Variants in ORC3 observed in about 807,000 individuals in gnomAD.
ORC3 encodes the protein origin recognition complex subunit 3.
ORC3 carries 78 observed loss-of-function variants against 100.7 expected under a neutral mutation model. That is an observed-to-expected ratio of 0.77 (90% CI 0.65 to 0.94). The LOEUF (loss-of-function observed/expected upper bound fraction) is 0.94. Among genes scored for constraint, ORC3 ranks in the 40% least tolerant of loss-of-function variants. ORC3 has a pLI of 0.00. For missense variants in ORC3, 789 were observed against 823.9 expected (o/e 0.96, Z 0.52); for synonymous variants, 295 against 289.3 (o/e 1.02, Z -0.20).
In ORC3 at chr6:87,612,245, T is replaced by A; in HGVS notation, c.870T>A (p.Asp290Glu). ...AGGAGCACCTGACTACGGTACTCGATAAGGTAAAAAGAATAAGTTTTACCA... is the reference window on the plus strand; with the variant it reads ...AGGAGCACCTGACTACGGTACTCGAAAAGGTAAAAAGAATAAGTTTTACCA... ...SCKEHLTTVLDKLLLTTQFPF... is the reference protein window; with the variant it reads ...SCKEHLTTVLEKLLLTTQFPF... Residue 290 changes from aspartate (D) to glutamate (E), a missense_variant, in exon 8 of 20, where the codon GAT becomes GAA. By Grantham distance (45) the Asp-to-Glu change is conservative. Coordinates refer to ENST00000392844, the MANE Select transcript of ORC3 (RefSeq NM_012381.4). 1 of 1,598,382 alleles carries A rather than the reference T, an allele frequency of 6.3e-7. No individual in the cohort carries two copies. The highest frequency in any genetic ancestry group is 8.5e-7 in the Non-Finnish European group (1 of 1,174,598).
chr6:87,634,548 CT>C (rs1767667439), intron 11 of ORC3, among the ~76,000 whole-genome samples: 1 of 152,210 alleles, frequency 6.6e-6, no homozygotes. Context: ...CACTAAGGTG[CT>C]TTCTTGCATA....
intron 13 of ORC3, among the ~76,000 whole-genome samples, chr6:87,644,963 G>A (rs1231492948): frequency 6.6e-6 from 1 of 152,054 alleles, no homozygotes; most frequent in East Asian, 1.9e-4. Flanking sequence ...AAAAAGCATG[G>A]CATCCCACAA....
chr6:87,674,763 C>T, the ORC3 span, among the ~76,000 whole-genome samples: 5 of 150,712 alleles, frequency 3.3e-5, no homozygotes, highest in East Asian at 3.9e-4. Flanking sequence ...CATGAGCCAC[C>T]GCGCCCAGCA....
chr6:87,599,920 C>G (rs372210209), intron 2 of ORC3, among the ~76,000 whole-genome samples: 1 of 152,158 alleles, frequency 6.6e-6, no homozygotes, highest in Non-Finnish European at 1.5e-5. Flanking sequence ...TTGCAGTAAG[C>G]TGAGATCTCA....
the ORC3 span, among the ~76,000 whole-genome samples, chr6:87,677,048 G>A: frequency 6.7e-6 from 1 of 150,182 alleles, no homozygotes; most frequent in African/African-American, 2.5e-5. Flanking sequence ...CTGCACTCCA[G>A]CCTTGGGTGA....
intron 1 of ORC3, among the ~76,000 whole-genome samples, chr6:87,591,557 A>G (rs1272398435): frequency 6.6e-6 from 1 of 152,118 alleles, no homozygotes; most frequent in Non-Finnish European, 1.5e-5. Context: ...CTATCCCTTA[A>G]TCCTGTTGAT....
intron 16 of ORC3, among the ~76,000 whole-genome samples, chr6:87,662,462 C>T (rs561156369): frequency 6.6e-6 from 1 of 152,116 alleles, no homozygotes; most frequent in South Asian, 2.1e-4. Context: ...CAAAAAAACC[C>T]CACAACTTTT....
chr6:87,672,918 T>C, the ORC3 span, among the ~76,000 whole-genome samples: 1 of 152,134 alleles, frequency 6.6e-6, no homozygotes, highest in African/African-American at 2.4e-5. Context: ...GTACTGCCTT[T>C]TACTGGAAGA....
At chr6:87,677,722 C>A in the ORC3 span, 40 of 1,395,726 alleles carry the variant, frequency 2.9e-5, no homozygotes, top group Non-Finnish European at 3.6e-5. Context: ...AGAGAATATA[C>A]CGCACCAGTG....
chr6:87,609,302 A>G (rs1363674084), intron 7 of ORC3, 73 bp downstream of exon 7: 10 of 1,030,570 alleles, frequency 9.7e-6, no homozygotes. Context: ...CTTGAAAAGT[A>G]TAATCTTCAT....
chr6:87,595,828 G>C (rs1777390692), intron 2 of ORC3, among the ~76,000 whole-genome samples: 1 of 152,076 alleles, frequency 6.6e-6, no homozygotes, highest in East Asian at 1.9e-4. Context: ...CATTTCTTTT[G>C]GTTTTGTTTG....
downstream of ORC3, among the ~76,000 whole-genome samples, chr6:87,672,201 T>C (rs1770848534): frequency 6.6e-6 from 1 of 152,006 alleles, no homozygotes; most frequent in African/African-American, 2.4e-5. Context: ...CTTTTCCTAA[T>C]AAAACAAGTT....
intron 19 of ORC3, among the ~76,000 whole-genome samples, chr6:87,666,762 CG>C (rs1227494828): frequency 6.6e-6 from 1 of 151,920 alleles, no homozygotes; most frequent in Non-Finnish European, 1.5e-5. Context: ...TTCTAATGTA[CG>C]TTTAGAAGTG....
At position 87,657,369 on chromosome 6, in the gene ORC3, AT is replaced by A. The variant is rs571427902; in HGVS notation, c.1593+393del. On this transcript the variant is annotated intron_variant, in intron 15 of 19. Coordinates refer to ENST00000392844, the MANE Select transcript of ORC3 (RefSeq NM_012381.4). ...TAATTAGTTTTAGTTACTTTCCTTG[AT>A]TTTTTAAAATGCATATTCAAGTATA... 2.5e-3 allele frequency among the ~76,000 whole-genome samples: 382 copies of A among 152,304 alleles called. 1 individual carries two copies. Among genetic ancestry groups the A allele is most frequent in the Middle Eastern group, 0.02 (6 of 294 alleles).
intron 5 of ORC3, among the ~76,000 whole-genome samples, chr6:87,606,307 A>G (rs1778336633): frequency 6.6e-6 from 1 of 152,204 alleles, no homozygotes; most frequent in Admixed American, 6.5e-5. Flanking sequence ...GAAACGTTTA[A>G]TAAGTAGAAA....
At chr6:87,652,030 C>G (rs1769313494) in intron 13 of ORC3, among the ~76,000 whole-genome samples, 1 of 148,550 alleles carries the variant, frequency 6.7e-6, no homozygotes, top group Admixed American at 6.7e-5. Flanking sequence ...TCCCGAGTAG[C>G]TGGGACTACA....
chr6:87,645,995 C>CT (rs55937664), intron 13 of ORC3, among the ~76,000 whole-genome samples: 2 of 134,796 alleles, frequency 1.5e-5, no homozygotes, highest in East Asian at 2.1e-4. Flanking sequence ...TTTTTTTTTT[C>CT]TTTTTTTTTG....
the ORC3 span, among the ~76,000 whole-genome samples, chr6:87,674,309 A>G: frequency 1.5e-3 from 232 of 151,410 alleles, 2 homozygotes; most frequent in South Asian, 0.014. Flanking sequence ...TCTCAAAAAA[A>G]AAAAAAAAAA....
In ORC3 at chr6:87,634,888, T is replaced by A; in HGVS notation, c.1229T>A (p.Met410Lys). 1 of 1,604,240 alleles carries A rather than the reference T, an allele frequency of 6.2e-7. No individual in the cohort carries two copies. The highest frequency in any genetic ancestry group is 1.1e-5 in the South Asian group (1 of 90,900). ...LLLENLHVYHMNYFLVLRCLH... is the reference protein window; with the variant it reads ...LLLENLHVYHKNYFLVLRCLH... ...CTAGAAAACCTGCATGTTTATCATA[T>A]GAATTACTTCCTGGTTTTGAGATGT... Residue 410 changes from methionine to lysine, a missense_variant, in exon 12 of 20, where the codon ATG (methionine) becomes AAG (lysine). Met to Lys is a moderately conservative substitution (Grantham distance 95). Coordinates refer to ENST00000392844, the MANE Select transcript of ORC3 (RefSeq NM_012381.4).
Sources: allele counts gnomAD v4.1 joint callset (sites outside exome capture counted in the v4.1 genomes callset), GRCh38; gene constraint gnomAD v4.1.1; transcripts MANE v1.5; gene names NCBI Gene and HGNC (gene_info 2026-07-23, HGNC 2026-07-21).